Variants in CAP2 observed in about 807,000 individuals in gnomAD.
CAP2 encodes cyclase associated actin cytoskeleton regulatory protein 2.
In CAP2, 24 loss-of-function variants were observed where a neutral mutation model predicts 57.7. The observed-to-expected ratio is 0.42, with a 90% CI of 0.30 to 0.58. The LOEUF is 0.58. Ranked by LOEUF, CAP2 falls within the 20% of genes least tolerant of loss-of-function variation. The pLI is 0.22. For synonymous variants in CAP2, 194 were observed against 207.2 expected (o/e 0.94, Z 0.55); for missense variants, 501 against 590.3 (o/e 0.85, Z 1.57).
At chr6:17,420,545 G>T (rs923426004) in intron 1 of CAP2, among the ~76,000 whole-genome samples, 6 of 152,114 alleles carry the variant, frequency 3.9e-5, no homozygotes, top group Non-Finnish European at 7.4e-5. Flanking sequence ...GAGTAAACAA[G>T]GATTATCGGT....
chr6:17,533,078 CAAAAAAAAAAAA>C lies in CAP2; in HGVS notation c.637-6182_637-6171del, dbSNP rs58337644. On this transcript the variant is annotated intron_variant, in intron 7 of 12. Transcript: ENST00000229922. ...AAAACTCCATCTCAACACCCCCCAC[CAAAAAAAAAAAA>C]AAAAAAAAGAACTTGGAAGTGTTTT... Among the ~76,000 whole-genome samples, 3 of 87,548 alleles carry C rather than the reference CAAAAAAAAAAAA, an allele frequency of 3.4e-5. No individual in the cohort carries two copies. The East Asian group carries it at 1.0e-3, about 30-fold the overall frequency. 57.4% of individuals were successfully genotyped at this position (87,548 alleles called of 152,430 possible).
In CAP2 at chr6:17,549,201, C is replaced by T. The variant is rs138823048; in HGVS notation, c.1210-2263C>T. Among the ~76,000 whole-genome samples the T allele has an allele frequency of 2.9e-4, 44 of 152,282 alleles. No homozygotes were observed. In the East Asian group the frequency reaches 6.8e-3, roughly 23 times the overall value. On this transcript the variant is annotated intron_variant, in intron 11 of 12. Coordinates refer to ENST00000229922, the MANE Select transcript of CAP2 (RefSeq NM_006366.3). ...AAAGGCTGCTGGGCGCGGTGGCTCACGCCTGTAATCCCAGAACTTTGGGAG... is the reference window on the plus strand; with the variant it reads ...AAAGGCTGCTGGGCGCGGTGGCTCATGCCTGTAATCCCAGAACTTTGGGAG...
chr6:17,537,333 T>C (rs867127023), intron 7 of CAP2, among the ~76,000 whole-genome samples: 5 of 152,062 alleles, frequency 3.3e-5, no homozygotes, highest in African/African-American at 1.2e-4. Context: ...ACTACAGGCA[T>C]GCATCACCAT....
At position 17,556,944 on chromosome 6, in the gene CAP2, T is replaced by C. The variant is rs1763327182; in HGVS notation, c.*502T>C. The C allele has an allele frequency of 6.4e-6, 1 of 155,590 alleles. No homozygotes were observed. Among genetic ancestry groups the C allele is most frequent in the Non-Finnish European group, 1.4e-5 (1 of 70,460 alleles). 9.6% of individuals were successfully genotyped at this position (155,590 alleles called of 1,614,324 possible). A position where few individuals can be genotyped will look rare whatever the true frequency, so the allele number is the denominator to read the frequency against. ...TTCACCTTTATCAGCGTGGATACTG[T>C]CAGCATGAGTACATATTTCAACCCA... On this transcript the variant is annotated 3_prime_UTR_variant, in exon 13 of 13. Coordinates refer to ENST00000229922, the MANE Select transcript of CAP2 (RefSeq NM_006366.3).
rs548763153 is a variant in CAP2 at position 17,503,248 on chromosome 6, C to T, written c.301-3921C>T. Among the ~76,000 whole-genome samples, 5 of 152,226 alleles carry T rather than the reference C, an allele frequency of 3.3e-5. 1 individual carries two copies. The highest frequency in any genetic ancestry group is 6.8e-3 in the Middle Eastern group (2 of 294). On this transcript the variant is annotated intron_variant, in intron 4 of 12. Transcript: ENST00000229922. ...GGCTGGAAGTCCAGGATCAAGGTGA[C>T]GGCAGGGTTGGTCTCTCCCCACGCC...
chr6:17,466,931 T>G (rs1259708246), intron 4 of CAP2, among the ~76,000 whole-genome samples: 1 of 152,172 alleles, frequency 6.6e-6, no homozygotes, highest in African/African-American at 2.4e-5. Flanking sequence ...ATCTAGTAGA[T>G]GAGTTACTAA....
intron 4 of CAP2, among the ~76,000 whole-genome samples, chr6:17,469,387 T>A (rs1581545229): frequency 6.6e-6 from 1 of 152,094 alleles, no homozygotes; most frequent in Admixed American, 6.6e-5. Context: ...AGTGAAATGA[T>A]CTCTGTGTGT....
chr6:17,499,562 A>C (rs1761750937), intron 4 of CAP2, among the ~76,000 whole-genome samples: 1 of 152,034 alleles, frequency 6.6e-6, no homozygotes, highest in Non-Finnish European at 1.5e-5. Context: ...AATATAAGCA[A>C]ATATAGCTCC....
intron 3 of CAP2, among the ~76,000 whole-genome samples, chr6:17,440,157 A>G (rs1314864049): frequency 6.6e-6 from 1 of 151,604 alleles, no homozygotes; most frequent in African/African-American, 2.4e-5. Flanking sequence ...AAATCAGGAT[A>G]TGTCTCTCCA....
intron 3 of CAP2, among the ~76,000 whole-genome samples, chr6:17,443,684 A>G (rs770069363): frequency 1.3e-5 from 2 of 152,160 alleles, no homozygotes; most frequent in Non-Finnish European, 2.9e-5. Context: ...AGTCAAATGT[A>G]TGGGCACACT....
chr6:17,415,630 A>G (rs1219859101), intron 1 of CAP2, among the ~76,000 whole-genome samples: 2 of 152,194 alleles, frequency 1.3e-5, no homozygotes, highest in Admixed American at 6.5e-5. Flanking sequence ...TGCTGGACTC[A>G]GTGGGAGATG....
At chr6:17,546,613 C>T (rs1183403642) in intron 11 of CAP2, among the ~76,000 whole-genome samples, 1 of 152,082 alleles carries the variant, frequency 6.6e-6, no homozygotes, top group East Asian at 1.9e-4. Flanking sequence ...ACATGAAGTC[C>T]TCGCCCATGC....
At chr6:17,506,764 CA>C (rs1165215921) in intron 4 of CAP2, among the ~76,000 whole-genome samples, 1 of 152,098 alleles carries the variant, frequency 6.6e-6, no homozygotes, top group African/African-American at 2.4e-5. Context: ...AGGATGAAGT[CA>C]TTTTACTAAC....
chr6:17,555,047 A>G (rs921817718), intron 12 of CAP2, among the ~76,000 whole-genome samples: 4 of 152,184 alleles, frequency 2.6e-5, no homozygotes, highest in Non-Finnish European at 5.9e-5. Flanking sequence ...GTAGAGAGCT[A>G]CCTCTGGGAT....
rs1381986204 is a variant in CAP2, at chr6:17,426,599, C to G, written c.131C>G (p.Pro44Arg). ...EVNGVIAGVA[P>R]SVEAFDKLMD... ...TGCTCCTTTCCCCAAGGTGTGGCACCCTCCGTGGAAGCCTTTGACAAGCTG... is the reference window on the plus strand; with the variant it reads ...TGCTCCTTTCCCCAAGGTGTGGCACGCTCCGTGGAAGCCTTTGACAAGCTG... Residue 44 changes from proline to arginine, a missense_variant, in exon 3 of 13, where the codon CCC becomes CGC. Coordinates refer to ENST00000229922, the MANE Select transcript of CAP2 (RefSeq NM_006366.3). 1.2e-6 allele frequency: 2 copies of G among 1,612,950 alleles called. No homozygotes were observed. Among genetic ancestry groups the G allele is most frequent in the African/African-American group, 1.3e-5 (1 of 74,850 alleles).
chr6:17,555,447 G>A (rs920792593), intron 12 of CAP2, among the ~76,000 whole-genome samples: 1 of 151,894 alleles, frequency 6.6e-6, no homozygotes, highest in Non-Finnish European at 1.5e-5. Context: ...ACCCACCTTG[G>A]CCTCCCAAAG....
intron 3 of CAP2, among the ~76,000 whole-genome samples, chr6:17,433,784 AT>A (rs1759804121): frequency 6.6e-6 from 1 of 152,260 alleles, no homozygotes; most frequent in African/African-American, 2.4e-5. Context: ...GCTACCAAAC[AT>A]GCTTTGATTC....
intron 4 of CAP2, among the ~76,000 whole-genome samples, chr6:17,494,671 C>G (rs1353517577): frequency 6.6e-6 from 1 of 152,108 alleles, no homozygotes; most frequent in Non-Finnish European, 1.5e-5. Flanking sequence ...TTATCTGCGT[C>G]TCTCTCCCCC....
At chr6:17,432,989 A>G (rs1442218082) in intron 3 of CAP2, among the ~76,000 whole-genome samples, 3 of 101,524 alleles carry the variant, frequency 3.0e-5, no homozygotes, top group South Asian at 7.2e-4. Flanking sequence ...TCTCCCTTCC[A>G]TCCGTCCATC....
Sources: allele counts gnomAD v4.1 joint callset (sites outside exome capture counted in the v4.1 genomes callset), GRCh38; gene constraint gnomAD v4.1.1; transcripts MANE v1.5; gene names NCBI Gene and HGNC (gene_info 2026-07-23, HGNC 2026-07-21).